Variants in PHF14 observed in about 807,000 individuals in gnomAD.
PHF14 encodes PHD finger protein 14.
In PHF14, 55 loss-of-function variants were observed where a neutral mutation model predicts 117.9. The ratio of observed to expected loss-of-function variants is 0.47; its 90% CI spans 0.38 to 0.58. PHF14 has a LOEUF of 0.58. Ranked by LOEUF, PHF14 falls within the 20% of genes least tolerant of loss-of-function variation. PHF14 has a pLI of 0.00. For missense variants in PHF14, 978 were observed against 1,122.2 expected (o/e 0.87, Z 1.84); for synonymous variants, 409 against 368.6 (o/e 1.11, Z -1.26).
chr7:11,046,431 C>G lies in PHF14; in HGVS notation c.2312+3617C>G, dbSNP rs534591680. Among the ~76,000 whole-genome samples the G allele has an allele frequency of 1.5e-4, 23 of 152,118 alleles. 1 individual carries two copies. In the South Asian group the frequency reaches 4.8e-3, roughly 32 times the overall value. On this transcript the variant is annotated intron_variant, in intron 13 of 17. Coordinates refer to ENST00000634607, the MANE Select transcript of PHF14 (RefSeq NM_001007157.2). ...GAATTGAGTAATATATCCTTTTATT[C>G]CTTGGATATGTCTTTATTTTATGAT...
intron 6 of PHF14, among the ~76,000 whole-genome samples, chr7:11,027,630 C>G (rs1487462774): frequency 6.6e-6 from 1 of 152,014 alleles, no homozygotes; most frequent in East Asian, 1.9e-4. Flanking sequence ...TCTTTTTATA[C>G]AGAAAGAATG....
chr7:11,142,960 A>G (rs1192817330), intron 17 of PHF14, among the ~76,000 whole-genome samples: 1 of 152,168 alleles, frequency 6.6e-6, no homozygotes, highest in Non-Finnish European at 1.5e-5. Flanking sequence ...ATAATTTACA[A>G]CTGCTTATAT....
chr7:11,026,916 G>A lies in PHF14; in HGVS notation c.1318-1765G>A, dbSNP rs1282781090. Among the ~76,000 whole-genome samples the A allele has an allele frequency of 2.0e-5, 3 of 152,184 alleles. No individual in the cohort carries two copies. The East Asian group carries it at 5.8e-4, about 29-fold the overall frequency. ...GCTTCTCTGCAAAATCAGATACAAT[G>A]TTGTAAATCATGACTGGGACAGCCT... On this transcript the variant is annotated intron_variant, in intron 6 of 17. Transcript: ENST00000634607.
chr7:11,131,112 T>G (rs1184328127), intron 17 of PHF14, among the ~76,000 whole-genome samples: 1 of 151,956 alleles, frequency 6.6e-6, no homozygotes, highest in African/African-American at 2.4e-5. Context: ...GTTTCCAAGT[T>G]TTGGCAGTTA....
chr7:10,997,229 G>T (rs900283260), intron 4 of PHF14, among the ~76,000 whole-genome samples: 5 of 152,122 alleles, frequency 3.3e-5, no homozygotes, highest in African/African-American at 7.2e-5. Context: ...AGAGCAAAAA[G>T]ACATTATTAC....
intron 14 of PHF14, 128 bp downstream of exon 14, chr7:11,051,908 C>A (rs933791147): frequency 6.9e-6 from 5 of 723,236 alleles, no homozygotes; most frequent in Non-Finnish European, 1.1e-5. Context: ...TTATTCTTAA[C>A]AATTTTTTTT....
At chr7:11,102,844 G>T in intron 16 of PHF14, 1 of 1,200,512 alleles carries the variant, frequency 8.3e-7, no homozygotes, top group Non-Finnish European at 1.0e-6. Context: ...CAGAATTGTC[G>T]TATTAAGTAA....
At chr7:11,122,082 A>T (rs1301219530) in intron 17 of PHF14, among the ~76,000 whole-genome samples, 2 of 148,290 alleles carry the variant, frequency 1.3e-5, no homozygotes, top group Non-Finnish European at 3.0e-5. Flanking sequence ...TCATTATTCC[A>T]CTCTCACTTA....
intron 16 of PHF14, among the ~76,000 whole-genome samples, chr7:11,094,615 G>A (rs1583460559): frequency 6.6e-6 from 1 of 152,108 alleles, no homozygotes; most frequent in East Asian, 1.9e-4. Flanking sequence ...TTGTTATTCA[G>A]CCTACCACAG....
chr7:11,156,125 ACAGTTTTAAACATTTAAT>A (rs1431998265), intron 17 of PHF14, among the ~76,000 whole-genome samples: 3 of 152,214 alleles, frequency 2.0e-5, no homozygotes, highest in African/African-American at 7.2e-5. Flanking sequence ...ACAGTTCAAA[ACAGTTTTAAACATTTAAT>A]CATTCTTTAA....
intron 5 of PHF14, among the ~76,000 whole-genome samples, chr7:11,014,402 G>GAGATT (rs1191676419): frequency 1.3e-5 from 2 of 152,286 alleles, no homozygotes; most frequent in East Asian, 3.9e-4. Context: ...GGGCCTGAGG[G>GAGATT]AGATTATCCA....
intron 10 of PHF14, among the ~76,000 whole-genome samples, chr7:11,038,550 C>T (rs142243178): frequency 1.6e-3 from 238 of 151,144 alleles, no homozygotes; most frequent in Middle Eastern, 6.8e-3. Context: ...CCCACCTACT[C>T]GGGAAACTGC....
chr7:11,036,830 G>A, intron 9 of PHF14, 142 bp downstream of exon 9: 13 of 968,580 alleles, frequency 1.3e-5, no homozygotes, highest in Non-Finnish European at 1.8e-5. Context: ...AATATGTTGT[G>A]GGTTTTTACA....
chr7:11,012,592 G>A (rs1346830247), intron 4 of PHF14, among the ~76,000 whole-genome samples: 1 of 152,196 alleles, frequency 6.6e-6, no homozygotes, highest in Non-Finnish European at 1.5e-5. Flanking sequence ...GAGGGCAATT[G>A]AATTGAAGTA....
intron 17 of PHF14, among the ~76,000 whole-genome samples, chr7:11,166,804 A>G (rs1789214136): frequency 6.6e-6 from 1 of 152,178 alleles, no homozygotes; most frequent in African/African-American, 2.4e-5. Flanking sequence ...ATAAAAGGCA[A>G]GATGTTTTAA....
At chr7:11,035,361 C>T (rs760900681) in intron 7 of PHF14, among the ~76,000 whole-genome samples, 4 of 152,072 alleles carry the variant, frequency 2.6e-5, no homozygotes, top group African/African-American at 4.8e-5. Context: ...GGCTACTATA[C>T]AAGTACACCC....
chr7:11,037,184 TA>T (rs1784344751), intron 10 of PHF14, 93 bp downstream of exon 10: 1 of 1,155,058 alleles, frequency 8.7e-7, no homozygotes. Flanking sequence ...GTTTTGTTTT[TA>T]ATTTCTTCTG....
rs1781781157 is a variant in PHF14, at chr7:10,974,183, C to T, written c.-141C>T. ...CCGCGGGGCTACTCTTGGGAGCGCCCCTGTCCGGCTGGCTGCGCGCCGGTT... is the reference window on the plus strand; with the variant it reads ...CCGCGGGGCTACTCTTGGGAGCGCCTCTGTCCGGCTGGCTGCGCGCCGGTT... On this transcript the variant is annotated 5_prime_UTR_variant, in exon 1 of 18. Coordinates refer to ENST00000634607, the MANE Select transcript of PHF14 (RefSeq NM_001007157.2). 5.4e-6 allele frequency: 4 copies of T among 739,244 alleles called. No individual in the cohort carries two copies. The highest frequency in any genetic ancestry group is 9.3e-6 in the Non-Finnish European group (4 of 429,226). 45.8% of individuals were successfully genotyped at this position (739,244 alleles called of 1,614,324 possible). A position where few individuals can be genotyped will look rare whatever the true frequency, so the allele number is the denominator to read the frequency against.
At chr7:11,161,044 G>A (rs972699375) in intron 17 of PHF14, among the ~76,000 whole-genome samples, 3 of 152,060 alleles carry the variant, frequency 2.0e-5, no homozygotes, top group African/African-American at 4.8e-5. Context: ...CTTATAGTTT[G>A]AGGTCTTACA....
Sources: allele counts gnomAD v4.1 joint callset (sites outside exome capture counted in the v4.1 genomes callset), GRCh38; gene constraint gnomAD v4.1.1; transcripts MANE v1.5; gene names NCBI Gene and HGNC (gene_info 2026-07-23, HGNC 2026-07-21).